Variants in PAPPA2 observed in about 807,000 individuals in gnomAD.
PAPPA2 encodes pappalysin-2.
In PAPPA2, 86 loss-of-function variants were observed where a neutral mutation model predicts 176.4. That is an observed-to-expected ratio of 0.49 (90% CI 0.41 to 0.58). The LOEUF is 0.58. Ranked by LOEUF, PAPPA2 falls within the 20% of genes least tolerant of loss-of-function variation. The probability of loss-of-function intolerance (pLI) is 0.00; values close to 1 mark genes in which losing one functional copy is unlikely to be tolerated. For missense variants in PAPPA2, 2,073 were observed against 2,256.9 expected (o/e 0.92, Z 1.65); for synonymous variants, 809 against 852.2 (o/e 0.95, Z 0.88).
At chr1:176,721,769 T>C (rs1318647044) in intron 12 of PAPPA2, among the ~76,000 whole-genome samples, 1 of 152,182 alleles carries the variant, frequency 6.6e-6, no homozygotes, top group Non-Finnish European at 1.5e-5. Context: ...GTCTGGTTTG[T>C]CAAGCTTCTC....
rs757055022 is a variant in PAPPA2, at chr1:176,556,896, T to A, written c.574T>A (p.Trp192Arg). The A allele has an allele frequency of 6.2e-6, 10 of 1,613,960 alleles. No homozygotes were observed. In the East Asian group the frequency reaches 2.0e-4, roughly 32 times the overall value. ...CAAACCAGAGACCCAAAGGAGGGGC[T>A]GGGCCAAGTCCAGGCAGCGTCGCCA... is the stretch of plus-strand genomic sequence containing the variant. Reference protein sequence around the residue: ...EPKPETQRRGWAKSRQRRQVW... With the variant: ...EPKPETQRRGRAKSRQRRQVW... Residue 192 changes from tryptophan (W) to arginine (R), a missense_variant, in exon 2 of 23, where the codon TGG (tryptophan) becomes AGG (arginine). Physicochemically the swap from Trp to Arg is moderately radical, Grantham distance 101 (BLOSUM62 -3). Coordinates refer to ENST00000367662, the MANE Select transcript of PAPPA2 (RefSeq NM_020318.3).
At chr1:176,572,280 A>G (rs1263800604) in intron 2 of PAPPA2, among the ~76,000 whole-genome samples, 2 of 152,340 alleles carry the variant, frequency 1.3e-5, no homozygotes, top group Admixed American at 6.5e-5. Context: ...TCAATTCCTT[A>G]GATCACTTAG....
rs1354571309 is a variant in PAPPA2 at position 176,699,092 on chromosome 1, C to G, written c.2747-8C>G. On this transcript the variant is annotated splice_region_variant and splice_polypyrimidine_tract_variant and intron_variant, in intron 7 of 22. Coordinates refer to ENST00000367662, the MANE Select transcript of PAPPA2 (RefSeq NM_020318.3). ...TACTGATGTATCTTTCTGCTAATCTCCCCCCAGGGCCTCCTGATGTGGATC... is the reference window on the plus strand; with the variant it reads ...TACTGATGTATCTTTCTGCTAATCTGCCCCCAGGGCCTCCTGATGTGGATC... The G allele has an allele frequency of 6.2e-7, 1 of 1,601,056 alleles. No homozygotes were observed.
At chr1:176,710,296 C>G in intron 11 of PAPPA2, 120 bp downstream of exon 11, 1 of 879,342 alleles carries the variant, frequency 1.1e-6, no homozygotes, top group African/African-American at 1.7e-5. Context: ...GTTAGAAGCC[C>G]TAGGGAACAT....
At chr1:176,505,624 A>C (rs763503304) in intron 1 of PAPPA2, among the ~76,000 whole-genome samples, 1 of 152,108 alleles carries the variant, frequency 6.6e-6, no homozygotes, top group Admixed American at 6.6e-5. Flanking sequence ...TGGAGGTTAC[A>C]CAATTAGAAA....
chr1:176,835,693 A>G (rs1667245871), intron 21 of PAPPA2, among the ~76,000 whole-genome samples: 1 of 152,042 alleles, frequency 6.6e-6, no homozygotes, highest in South Asian at 2.1e-4. Flanking sequence ...CTAGTTTTGT[A>G]TTTTTAGTAG....
rs556004828 is a variant in PAPPA2 at position 176,504,969 on chromosome 1, T to C, written c.-917+41551T>C. 2.6e-5 allele frequency among the ~76,000 whole-genome samples: 4 copies of C among 152,236 alleles called. No individual in the cohort carries two copies. The South Asian group carries it at 8.3e-4, about 32-fold the overall frequency. On this transcript the variant is annotated intron_variant, in intron 1 of 22. Coordinates refer to ENST00000367662, the MANE Select transcript of PAPPA2 (RefSeq NM_020318.3). ...ACGTAGTTATCTTAAGTAACTGCTA[T>C]TGGAAGGTTACTTATAACCACAGAA...
At chr1:176,471,921 T>C (rs891165803) in intron 1 of PAPPA2, among the ~76,000 whole-genome samples, 10 of 152,170 alleles carry the variant, frequency 6.6e-5, no homozygotes, top group Non-Finnish European at 1.5e-4. Flanking sequence ...GCAGCTGGAT[T>C]TGGAGGCTTG....
At chr1:176,810,471 C>T (rs1013181119) in intron 21 of PAPPA2, among the ~76,000 whole-genome samples, 3 of 152,124 alleles carry the variant, frequency 2.0e-5, no homozygotes, top group African/African-American at 7.2e-5. Flanking sequence ...TCATAAGGAG[C>T]GTGCAACCTA....
At chr1:176,829,713 A>G (rs572340463) in intron 21 of PAPPA2, among the ~76,000 whole-genome samples, 1 of 152,060 alleles carries the variant, frequency 6.6e-6, no homozygotes, top group Non-Finnish European at 1.5e-5. Flanking sequence ...TCATCCTTTC[A>G]TCTCCCACAG....
At chr1:176,836,132 A>G (rs1461539382) in intron 21 of PAPPA2, among the ~76,000 whole-genome samples, 1 of 152,222 alleles carries the variant, frequency 6.6e-6, no homozygotes, top group African/African-American at 2.4e-5. Context: ...GAACTTCATC[A>G]GGCGCTGCAC....
rs946158639 is a variant in PAPPA2 at position 176,691,155 on chromosome 1, A to G, written c.2431+725A>G. The G allele has an allele frequency of 5.1e-6, 5 of 984,302 alleles. No individual in the cohort carries two copies. The South Asian group carries it at 1.4e-4, about 28-fold the overall frequency. 61.0% of individuals were successfully genotyped at this position (984,302 alleles called of 1,614,324 possible). On this transcript the variant is annotated intron_variant, in intron 5 of 22. Transcript: ENST00000367662. ...GAAAAGTAATAGTGACTGGTTTCCT[A>G]TAATGGACTCAAAGTTATCCCTAAA...
At chr1:176,637,139 A>G (rs528686576) in intron 3 of PAPPA2, among the ~76,000 whole-genome samples, 1 of 152,224 alleles carries the variant, frequency 6.6e-6, no homozygotes, top group Non-Finnish European at 1.5e-5. Flanking sequence ...GAAAATATCT[A>G]GGTGGAATTG....
intron 1 of PAPPA2, among the ~76,000 whole-genome samples, chr1:176,472,727 T>C (rs931333786): frequency 6.6e-6 from 1 of 152,094 alleles, no homozygotes; most frequent in Non-Finnish European, 1.5e-5. Flanking sequence ...GTGTGATAGG[T>C]TTTTACAAGC....
chr1:176,480,517 A>C (rs1652342457), intron 1 of PAPPA2, among the ~76,000 whole-genome samples: 1 of 151,972 alleles, frequency 6.6e-6, no homozygotes. Context: ...AGGGAAGGCA[A>C]GTAGGTGGTG....
intron 1 of PAPPA2, among the ~76,000 whole-genome samples, chr1:176,512,703 A>G (rs1648680312): frequency 6.6e-6 from 1 of 152,206 alleles, no homozygotes; most frequent in Non-Finnish European, 1.5e-5. Flanking sequence ...GTGCATATAT[A>G]TATGTCAAAA....
rs576662979 is a variant in PAPPA2, at chr1:176,568,805, C to T, written c.919+11564C>T. ...CAATAACCAAACTAAAGCTAAGTTT[C>T]GGTCACAATAATTCTGACTGTCTCT... is the stretch of plus-strand genomic sequence containing the variant. On this transcript the variant is annotated intron_variant, in intron 2 of 22. Coordinates refer to ENST00000367662, the MANE Select transcript of PAPPA2 (RefSeq NM_020318.3). 7.2e-5 allele frequency among the ~76,000 whole-genome samples: 11 copies of T among 152,298 alleles called. No individual in the cohort carries two copies. In the East Asian group the frequency reaches 1.5e-3, roughly 21 times the overall value.
intron 1 of PAPPA2, among the ~76,000 whole-genome samples, chr1:176,527,133 A>G (rs1649540915): frequency 6.6e-6 from 1 of 152,156 alleles, no homozygotes; most frequent in Admixed American, 6.5e-5. Context: ...ATTTAAACCT[A>G]AAGAGTCTTT....
chr1:176,594,505 A>G lies in PAPPA2; in HGVS notation c.920-19A>G. 1 of 1,596,778 alleles carries G rather than the reference A, an allele frequency of 6.3e-7. No homozygotes were observed. The highest frequency in any genetic ancestry group is 8.6e-7 in the Non-Finnish European group (1 of 1,167,570). The stretch of plus-strand genomic sequence containing the variant: ...TATCTGGTATCTGTCTCTTCCCTCG[A>G]TTCTTCCTTCTTTCCCAGGTGTGTT... On this transcript the variant is annotated intron_variant, in intron 2 of 22. Transcript: ENST00000367662.
Sources: allele counts gnomAD v4.1 joint callset (sites outside exome capture counted in the v4.1 genomes callset), GRCh38; gene constraint gnomAD v4.1.1; transcripts MANE v1.5; gene names NCBI Gene and HGNC (gene_info 2026-07-23, HGNC 2026-07-21).